Variants in CSNK1G3 observed in about 807,000 individuals in gnomAD.
The protein encoded by CSNK1G3 is casein kinase I isoform gamma-3.
CSNK1G3 carries 23 observed loss-of-function variants against 64.3 expected under a neutral mutation model. The observed-to-expected ratio is 0.36, with a 90% CI of 0.26 to 0.51. The LOEUF is 0.51. Ranked by LOEUF, CSNK1G3 falls within the 20% of genes least tolerant of loss-of-function variation. CSNK1G3 has a pLI of 0.96. For missense variants in CSNK1G3, 357 were observed against 510.5 expected (o/e 0.70, Z 2.90); for synonymous variants, 158 against 162.2 (o/e 0.97, Z 0.20).
intron 8 of CSNK1G3, among the ~76,000 whole-genome samples, chr5:123,589,597 G>A (rs935203463): frequency 6.6e-6 from 1 of 152,066 alleles, no homozygotes; most frequent in Non-Finnish European, 1.5e-5. Context: ...AATGCTAGGT[G>A]TAACTTACCA....
chr5:123,572,762 G>A (rs1340970284), intron 4 of CSNK1G3, among the ~76,000 whole-genome samples: 1 of 152,172 alleles, frequency 6.6e-6, no homozygotes, highest in Non-Finnish European at 1.5e-5. Flanking sequence ...CAATATCTCT[G>A]ACTTCTAGAC....
At chr5:123,550,301 A>G (rs749695509) in intron 2 of CSNK1G3, among the ~76,000 whole-genome samples, 14 of 152,306 alleles carry the variant, frequency 9.2e-5, no homozygotes, top group Non-Finnish European at 1.8e-4. Flanking sequence ...TCTGTGCACA[A>G]GGTAATTGCT....
intron 1 of CSNK1G3, among the ~76,000 whole-genome samples, chr5:123,542,584 T>TC (rs1390860410): frequency 6.6e-6 from 1 of 152,170 alleles, no homozygotes; most frequent in Non-Finnish European, 1.5e-5. Context: ...TGGCTTTTTT[T>TC]CTCCCTGTTT....
intron 1 of CSNK1G3, among the ~76,000 whole-genome samples, chr5:123,528,596 A>G (rs561477746): frequency 1.3e-5 from 2 of 152,188 alleles, no homozygotes; most frequent in East Asian, 3.9e-4. Flanking sequence ...GGTTTGATCA[A>G]TTTCAATTAT....
At chr5:123,608,683 C>T (rs964804489) in intron 12 of CSNK1G3, among the ~76,000 whole-genome samples, 10 of 152,056 alleles carry the variant, frequency 6.6e-5, no homozygotes, top group Non-Finnish European at 8.8e-5. Flanking sequence ...TACAATGGTT[C>T]TCAACCTTGA....
At chr5:123,552,688 G>T (rs1441054048) in intron 2 of CSNK1G3, among the ~76,000 whole-genome samples, 1 of 152,088 alleles carries the variant, frequency 6.6e-6, no homozygotes, top group Admixed American at 6.6e-5. Context: ...GCCCTAGTAA[G>T]ATTACATCTC....
At chr5:123,553,745 G>A (rs1172552722) in intron 3 of CSNK1G3, among the ~76,000 whole-genome samples, 2 of 152,142 alleles carry the variant, frequency 1.3e-5, no homozygotes, top group Non-Finnish European at 2.9e-5. Flanking sequence ...GGAAAAATTG[G>A]GATCTAGGAA....
At position 123,586,698 on chromosome 5, in the gene CSNK1G3, A is replaced by G. The variant is rs146918159; in HGVS notation, c.674-1370A>G. On this transcript the variant is annotated intron_variant, in intron 6 of 12. Coordinates refer to ENST00000345990, the Ensembl canonical transcript of CSNK1G3. ...CTGCAACTTGCAGTCTGGTGGAAGC[A>G]TATATATTGATTAAATAAAAACACA... Among the ~76,000 whole-genome samples, 21 of 152,336 alleles carry G rather than the reference A, an allele frequency of 1.4e-4. No homozygotes were observed. The East Asian group carries it at 4.0e-3, about 29-fold the overall frequency.
intron 1 of CSNK1G3, among the ~76,000 whole-genome samples, chr5:123,534,017 G>T (rs761430097): frequency 6.6e-6 from 1 of 151,344 alleles, no homozygotes; most frequent in Non-Finnish European, 1.5e-5. Flanking sequence ...TCCTGTGCAC[G>T]GATGGGGTTT....
intron 2 of CSNK1G3, among the ~76,000 whole-genome samples, chr5:123,552,746 G>T (rs1176312853): frequency 6.6e-6 from 1 of 152,010 alleles, no homozygotes; most frequent in Non-Finnish European, 1.5e-5. Context: ...AGAGGAATTT[G>T]GTATTCTTAT....
chr5:123,590,571 TATA>T lies in CSNK1G3; in HGVS notation c.990+20_990+22del. On this transcript the variant is annotated intron_variant, in intron 9 of 12. Transcript: ENST00000345990. ...TGGTAAACAGTTGGTGAGTATTCTA[TATA>T]ATAATATATTACTTACAGTATCTGT... The T allele has an allele frequency of 7.2e-7, 1 of 1,394,884 alleles. No homozygotes were observed. Among genetic ancestry groups the T allele is most frequent in the Non-Finnish European group, 9.6e-7 (1 of 1,041,310 alleles). The allele number at this position is 1,394,884 out of a possible 1,614,324, so 86.4% of individuals were successfully genotyped here. A position where few individuals can be genotyped will look rare whatever the true frequency, so the allele number is the denominator to read the frequency against.
intron 2 of CSNK1G3, among the ~76,000 whole-genome samples, chr5:123,547,639 A>G (rs1782793569): frequency 6.6e-6 from 1 of 152,084 alleles, no homozygotes; most frequent in Non-Finnish European, 1.5e-5. Context: ...TTCTTAGTAC[A>G]TCTGTCTGTC....
At chr5:123,574,967 TAAAC>T (rs367553235) in intron 5 of CSNK1G3, among the ~76,000 whole-genome samples, 180 of 152,338 alleles carry the variant, frequency 1.2e-3, no homozygotes, top group Non-Finnish European at 1.9e-3. Flanking sequence ...CAAAGTTTGT[TAAAC>T]AAACTAGAAT....
At chr5:123,603,434 T>C (rs1794822082) in intron 10 of CSNK1G3, among the ~76,000 whole-genome samples, 1 of 152,106 alleles carries the variant, frequency 6.6e-6, no homozygotes, top group African/African-American at 2.4e-5. Flanking sequence ...CGTATATTTA[T>C]TGAGTTCCTA....
chr5:123,556,827 G>A (rs1019691753), intron 3 of CSNK1G3, among the ~76,000 whole-genome samples: 1 of 151,044 alleles, frequency 6.6e-6, no homozygotes, highest in Non-Finnish European at 1.5e-5. Context: ...CATTTATGTC[G>A]AATGATAAAA....
At chr5:123,612,176 G>A (rs866617980) in intron 12 of CSNK1G3, among the ~76,000 whole-genome samples, 2 of 152,192 alleles carry the variant, frequency 1.3e-5, no homozygotes, top group Non-Finnish European at 2.9e-5. Flanking sequence ...TTATCAGCTG[G>A]TCCACAATTT....
intron 1 of CSNK1G3, among the ~76,000 whole-genome samples, chr5:123,535,110 A>G (rs1264287584): frequency 6.6e-6 from 1 of 152,144 alleles, no homozygotes; most frequent in Non-Finnish European, 1.5e-5. Context: ...GTCAAGTTAT[A>G]ACTGTGCCAC....
At chr5:123,571,179 G>C (rs565778626) in intron 4 of CSNK1G3, among the ~76,000 whole-genome samples, 5 of 152,096 alleles carry the variant, frequency 3.3e-5, no homozygotes, top group Admixed American at 6.6e-5. Flanking sequence ...CATACACATT[G>C]GGGTGTATCA....
At chr5:123,605,955 A>G (rs1795298691) in intron 12 of CSNK1G3, among the ~76,000 whole-genome samples, 1 of 152,076 alleles carries the variant, frequency 6.6e-6, no homozygotes, top group Admixed American at 6.6e-5. Flanking sequence ...ATTTTCTGAC[A>G]TTTGCCTTTA....
Sources: gnomAD v4.1 joint callset for allele counts (sites outside exome capture counted in the v4.1 genomes callset) on GRCh38, gnomAD v4.1.1 for gene constraint, MANE v1.5 for transcripts, NCBI Gene and HGNC (gene_info 2026-07-23, HGNC 2026-07-21) for gene names.